Variants in TEX36 observed in about 807,000 individuals in gnomAD.
TEX36 encodes testis-expressed protein 36.
Under a neutral mutation model 13.6 loss-of-function variants are expected in TEX36, and 12 were observed. That is an observed-to-expected ratio of 0.88 (90% CI 0.56 to 1.43). The LOEUF is 1.43. Among genes scored for constraint, TEX36 ranks in the 40% most tolerant of loss-of-function variants. The pLI is 0.00. For synonymous variants in TEX36, 93 were observed against 83.0 expected (o/e 1.12, Z -0.65); for missense variants, 224 against 228.3 (o/e 0.98, Z 0.12).
chr10:125,618,638 T>G (rs1326375633), downstream of TEX36, among the ~76,000 whole-genome samples: 1 of 151,830 alleles, frequency 6.6e-6, no homozygotes, highest in African/African-American at 2.4e-5. Flanking sequence ...CTAATGGAGG[T>G]GCCTGCCTCC....
chr10:125,586,414 GTATTT>G (rs1313317361), intron 3 of TEX36, among the ~76,000 whole-genome samples: 1 of 151,882 alleles, frequency 6.6e-6, no homozygotes, highest in Non-Finnish European at 1.5e-5. Flanking sequence ...TTATACCTTG[GTATTT>G]TATTTTATCT....
chr10:125,651,263 C>A (rs1443376838), downstream of TEX36, among the ~76,000 whole-genome samples: 1 of 152,168 alleles, frequency 6.6e-6, no homozygotes, highest in Non-Finnish European at 1.5e-5. Flanking sequence ...TGCTGGCAAA[C>A]CTAAACCAGC....
downstream of TEX36, among the ~76,000 whole-genome samples, chr10:125,655,291 A>C (rs1340939565): frequency 1.3e-5 from 2 of 152,118 alleles, no homozygotes; most frequent in African/African-American, 4.8e-5. Context: ...CTAAAAATAC[A>C]AAAATTAGCC....
At chr10:125,621,351 C>T (rs1285554852), downstream of TEX36, among the ~76,000 whole-genome samples, 1 of 152,006 alleles carries the variant, frequency 6.6e-6, no homozygotes, top group Non-Finnish European at 1.5e-5. Flanking sequence ...TCCTCACCAA[C>T]ACTTGGCATT....
chr10:125,606,375 T>G (rs778664914), intron 3 of TEX36, among the ~76,000 whole-genome samples: 1 of 152,222 alleles, frequency 6.6e-6, no homozygotes, highest in East Asian at 1.9e-4. Context: ...ACCTATCCAG[T>G]GCACAAAAAA....
At chr10:125,606,710 G>C (rs1007456549) in intron 3 of TEX36, among the ~76,000 whole-genome samples, 18 of 152,182 alleles carry the variant, frequency 1.2e-4, no homozygotes, top group Non-Finnish European at 2.9e-5. Context: ...GGAGATAACA[G>C]CTAAGGTGAA....
chr10:125,613,652 T>A (rs1446550115), intron 3 of TEX36, among the ~76,000 whole-genome samples: 1 of 152,062 alleles, frequency 6.6e-6, no homozygotes, highest in Admixed American at 6.6e-5. Context: ...GGTGTATATG[T>A]GCCACGTTTT....
At chr10:125,583,423 G>T (rs866280978) in intron 3 of TEX36, among the ~76,000 whole-genome samples, 2 of 151,880 alleles carry the variant, frequency 1.3e-5, no homozygotes, top group South Asian at 4.2e-4. Flanking sequence ...GGGAATGAAC[G>T]CTGTGTTTTT....
At chr10:125,619,831 A>G (rs936376338), downstream of TEX36, among the ~76,000 whole-genome samples, 1 of 152,064 alleles carries the variant, frequency 6.6e-6, no homozygotes, top group African/African-American at 2.4e-5. Flanking sequence ...CTGGGATTAC[A>G]GGCGTGAGCC....
chr10:125,581,117 A>T (rs1845876254), intron 3 of TEX36, among the ~76,000 whole-genome samples: 1 of 152,002 alleles, frequency 6.6e-6, no homozygotes, highest in African/African-American at 2.4e-5. Flanking sequence ...CTTCCCTCCC[A>T]TCTCAAGTCC....
intron 3 of TEX36, among the ~76,000 whole-genome samples, chr10:125,613,292 T>TA (rs1846314445): frequency 7.3e-6 from 1 of 137,156 alleles, no homozygotes; most frequent in Non-Finnish European, 1.5e-5. Context: ...TTTTTATTAT[T>TA]ATTATACTTT....
intron 1 of TEX36, among the ~76,000 whole-genome samples, chr10:125,670,549 T>C (rs1410318635): frequency 6.6e-6 from 1 of 152,214 alleles, no homozygotes; most frequent in Non-Finnish European, 1.5e-5. Flanking sequence ...GCCTGTTCAT[T>C]CTGATGATAG....
At chr10:125,585,246 G>C (rs76288615) in intron 3 of TEX36, among the ~76,000 whole-genome samples, 2 of 152,112 alleles carry the variant, frequency 1.3e-5, no homozygotes, top group Admixed American at 1.3e-4. Flanking sequence ...TACCATGGAC[G>C]AGTTCCCAGA....
intron 3 of TEX36, among the ~76,000 whole-genome samples, chr10:125,602,157 G>T (rs757880238): frequency 3.4e-4 from 51 of 152,168 alleles, no homozygotes; most frequent in Non-Finnish European, 6.5e-4. Context: ...AGAGTATCCT[G>T]GGGAGAAGGA....
At chr10:125,610,369 A>G (rs908823672) in intron 3 of TEX36, among the ~76,000 whole-genome samples, 3 of 152,048 alleles carry the variant, frequency 2.0e-5, no homozygotes, top group East Asian at 1.9e-4. Context: ...CTGAACCCCA[A>G]TTTGGGGGTT....
chr10:125,625,724 C>T (rs1331235297), intron 3 of TEX36, among the ~76,000 whole-genome samples: 4 of 152,256 alleles, frequency 2.6e-5, no homozygotes, highest in Non-Finnish European at 4.4e-5. Context: ...AGGAACAGAA[C>T]GTTGCCAACA....
intron 3 of TEX36, among the ~76,000 whole-genome samples, chr10:125,589,448 C>T (rs1158526130): frequency 6.6e-6 from 1 of 152,156 alleles, no homozygotes; most frequent in Non-Finnish European, 1.5e-5. Context: ...GGGAAGGCTC[C>T]TAGCATTTCA....
intron 3 of TEX36, among the ~76,000 whole-genome samples, chr10:125,606,262 CTA>C (rs2133547399): frequency 6.6e-6 from 1 of 152,280 alleles, no homozygotes; most frequent in Admixed American, 6.5e-5. Context: ...CAATAGATTC[CTA>C]TGTTTTCAAA....
chr10:125,640,094 A>C (rs540749354), intron 3 of TEX36: 97 of 931,112 alleles, frequency 1.0e-4, no homozygotes, highest in Non-Finnish European at 1.2e-4. Flanking sequence ...AACGTGGATA[A>C]TGAGCAAAGT....
Sources: allele counts gnomAD v4.1 joint callset (sites outside exome capture counted in the v4.1 genomes callset), GRCh38; gene constraint gnomAD v4.1.1; transcripts MANE v1.5; gene names NCBI Gene and HGNC (gene_info 2026-07-23, HGNC 2026-07-21).